Variants in CORO7 observed in about 807,000 individuals in gnomAD.
CORO7 encodes the protein coronin-7.
CORO7 carries 107 observed loss-of-function variants against 126.6 expected under a neutral mutation model. The observed-to-expected ratio is 0.85, with a 90% CI of 0.72 to 0.99. CORO7 has a LOEUF of 0.99. Among genes scored for constraint, CORO7 ranks in the 50% least tolerant of loss-of-function variants. CORO7 has a pLI of 0.00. For synonymous variants in CORO7, 603 were observed against 536.8 expected, an observed-to-expected ratio of 1.12 and a Z score of -1.70; for missense variants, 1,314 against 1,255.8, an observed-to-expected ratio of 1.05 and a Z score of -0.70.
Position 4,388,030 on chromosome 16 carries a change from G to A in CORO7, c.741C>T (p.Phe247=). The A allele has an allele frequency of 1.2e-6, 2 of 1,613,150 alleles. No individual in the cohort carries two copies. The highest frequency in any genetic ancestry group is 1.7e-6 in the Non-Finnish European group (2 of 1,179,908). Residue 247 remains phenylalanine, a synonymous_variant, in exon 9 of 28, where the codon TTC becomes TTT. Coordinates refer to ENST00000251166, the MANE Select transcript of CORO7 (RefSeq NM_024535.5). ...EREVKLWDTR[F]FSSALASLTL... Reference sequence around the variant, plus strand: ...TGAGGGAGGCCAGGGCGCTGGAGAAGAACCGCGTGTCCCACAGCTTCACTT... The same window carrying A: ...TGAGGGAGGCCAGGGCGCTGGAGAAAAACCGCGTGTCCCACAGCTTCACTT...
At chr16:4,386,769 G>A (rs1031086513) in intron 9 of CORO7, among the ~76,000 whole-genome samples, 1 of 152,146 alleles carries the variant, frequency 6.6e-6, no homozygotes, top group African/African-American at 2.4e-5. Flanking sequence ...CCCCTCCCTG[G>A]GTGTGACAGG....
At chr16:4,357,351 CTTTCT>C (rs138783458) in intron 25 of CORO7, 92 bp from the exon 26 acceptor site, 47,711 of 952,022 alleles carry the variant, frequency 0.05, 676 homozygotes, top group African/African-American at 0.19. Flanking sequence ...TCTTTTCTTT[CTTTCT>C]TTTTTTTTTT....
At position 4,362,938 on chromosome 16, in the gene CORO7, G is replaced by T; in HGVS notation, c.1276-200C>A. The stretch of plus-strand genomic sequence containing the variant: ...AAGCAGCCGAGCTTCAGACCGCGGG[G>T]ACAGCAAGTGGCAGCTGCTGGCTCC... On this transcript the variant is annotated intron_variant, in intron 14 of 27. Transcript: ENST00000251166. The surrounding 1 kb of genome is among the most constrained non-coding windows in gnomAD (Gnocchi z 5.3). 1.9e-6 allele frequency: 1 copy of T among 523,552 alleles called. No homozygotes were observed. The highest frequency in any genetic ancestry group is 2.9e-6 in the Non-Finnish European group (1 of 340,456). The allele number at this position is 523,552 out of a possible 1,614,324, so 32.4% of individuals were successfully genotyped here.
intron 9 of CORO7, among the ~76,000 whole-genome samples, chr16:4,367,967 G>A (rs1004841176): frequency 1.3e-5 from 2 of 152,182 alleles, no homozygotes; most frequent in African/African-American, 4.8e-5. Flanking sequence ...GGGAGGCTGA[G>A]GTGGGAGAAT....
intron 9 of CORO7, among the ~76,000 whole-genome samples, chr16:4,385,759 T>A (rs983046721): frequency 3.9e-5 from 6 of 152,180 alleles, no homozygotes; most frequent in Non-Finnish European, 8.8e-5. Flanking sequence ...GGGAAGGGCA[T>A]AGGTGGGACC....
chr16:4,372,289 A>C (rs979183396), intron 9 of CORO7, among the ~76,000 whole-genome samples: 1 of 152,094 alleles, frequency 6.6e-6, no homozygotes, highest in Non-Finnish European at 1.5e-5. Flanking sequence ...TCCTCCTCCC[A>C]CGGCTGGGCC....
rs1415253718 is a variant in CORO7 at position 4,362,535 on chromosome 16, G to A, written c.1402+77C>T. On this transcript the variant is annotated intron_variant, in intron 15 of 27. Coordinates refer to ENST00000251166, the MANE Select transcript of CORO7 (RefSeq NM_024535.5). The surrounding 1 kb of genome is among the most constrained non-coding windows in gnomAD (Gnocchi z 5.3). ...CATGAGGCCTGTGCTCAGCAGTAGG[G>A]TACACAGGAGGATGACGGGGAGTGG... The A allele has an allele frequency of 1.3e-6, 2 of 1,484,152 alleles. No individual in the cohort carries two copies. Among genetic ancestry groups the A allele is most frequent in the Non-Finnish European group, 1.8e-6 (2 of 1,119,558 alleles). 91.9% of individuals were successfully genotyped at this position (1,484,152 alleles called of 1,614,324 possible).
intron 14 of CORO7, among the ~76,000 whole-genome samples, chr16:4,363,432 C>T (rs9926185): frequency 0.03 from 4,518 of 151,718 alleles, 172 homozygotes; most frequent in African/African-American, 0.1. Flanking sequence ...ATTAGCCAGG[C>T]GTGGTGGTGC....
At chr16:4,401,154 T>G (rs9925955) in intron 6 of CORO7, among the ~76,000 whole-genome samples, 1 of 152,150 alleles carries the variant, frequency 6.6e-6, no homozygotes, top group African/African-American at 2.4e-5. Flanking sequence ...GGGAAGAACT[T>G]AGACCTGGTC....
chr16:4,357,729 T>G, intron 25 of CORO7: 1 of 630,604 alleles, frequency 1.6e-6, no homozygotes. Flanking sequence ...GTATAAGCCC[T>G]GCCCTAGACA....
chr16:4,379,764 C>T (rs1215220073), intron 9 of CORO7, among the ~76,000 whole-genome samples: 2 of 151,670 alleles, frequency 1.3e-5, no homozygotes, highest in Admixed American at 6.6e-5. Flanking sequence ...TAGACGAAGC[C>T]GGGCACGGTG....
intron 9 of CORO7, among the ~76,000 whole-genome samples, chr16:4,384,829 G>A (rs931387008): frequency 2.0e-5 from 3 of 152,198 alleles, no homozygotes; most frequent in Non-Finnish European, 4.4e-5. Context: ...GAGTGGCTGC[G>A]GCCAGGCCTG....
At chr16:4,413,633 G>A (rs1334346542) in intron 1 of CORO7, 8 of 422,524 alleles carry the variant, frequency 1.9e-5, no homozygotes, top group African/African-American at 6.2e-5. Flanking sequence ...TGCCTCTTGG[G>A]TTCAAGTGAT....
At chr16:4,392,357 C>T (rs984252534) in intron 7 of CORO7, among the ~76,000 whole-genome samples, 5 of 152,174 alleles carry the variant, frequency 3.3e-5, no homozygotes, top group Admixed American at 3.3e-4. Context: ...AACCATCCGA[C>T]TCTCGGGGTC....
Position 4,362,754 on chromosome 16 carries a change from G to C in CORO7, c.1276-16C>G, listed in dbSNP as rs1344739726. 1 of 1,375,004 alleles carries C rather than the reference G, an allele frequency of 7.3e-7. No individual in the cohort carries two copies. Among genetic ancestry groups the C allele is most frequent in the Admixed American group, 3.2e-5 (1 of 30,892 alleles). 85.2% of individuals were successfully genotyped at this position (1,375,004 alleles called of 1,614,324 possible). Reference sequence around the variant, plus strand: ...AGAAACCCTCCTGGGGAGGGGCATGGGGTCAGCCAGCCTGCTCCTAGGTGT... The same window carrying C: ...AGAAACCCTCCTGGGGAGGGGCATGCGGTCAGCCAGCCTGCTCCTAGGTGT... On this transcript the variant is annotated splice_polypyrimidine_tract_variant and intron_variant, in intron 14 of 27. Transcript: ENST00000251166. This position sits in a 1 kb window ranked among gnomAD's most constrained non-coding sequence, Gnocchi z 5.3.
chr16:4,382,099 G>A, intron 9 of CORO7: 1 of 1,585,370 alleles, frequency 6.3e-7, no homozygotes, highest in Non-Finnish European at 8.6e-7. Context: ...CCAGCCCCAG[G>A]ACTGCCCACC....
intron 6 of CORO7, among the ~76,000 whole-genome samples, chr16:4,399,477 A>G (rs201720004): frequency 6.6e-6 from 1 of 152,216 alleles, no homozygotes; most frequent in East Asian, 1.9e-4. Flanking sequence ...TGGAATGCCA[A>G]TTCCTAGGGG....
intron 9 of CORO7, chr16:4,380,821 A>T: frequency 7.0e-7 from 1 of 1,426,170 alleles, no homozygotes; most frequent in South Asian, 1.5e-5. Flanking sequence ...TCTGCCTTCT[A>T]GGCCCCTGAC....
chr16:4,397,881 C>A (rs1470718543), intron 6 of CORO7, among the ~76,000 whole-genome samples: 1 of 152,162 alleles, frequency 6.6e-6, no homozygotes, highest in African/African-American at 2.4e-5. Context: ...TCCCAAAGTG[C>A]TGGGATTACA....
Sources: allele counts gnomAD v4.1 joint callset (sites outside exome capture counted in the v4.1 genomes callset), GRCh38; gene constraint gnomAD v4.1.1; non-coding constraint Gnocchi (gnomAD v3.1); transcripts MANE v1.5; gene names NCBI Gene and HGNC (gene_info 2026-07-23, HGNC 2026-07-21).